Variants in CMC1 observed in about 807,000 individuals in gnomAD.
The protein encoded by CMC1 is C-X9-C motif containing 1.
In CMC1, 14 loss-of-function variants were observed where a neutral mutation model predicts 14.1. The observed-to-expected ratio is 0.99, with a 90% CI of 0.66 to 1.55. The LOEUF (loss-of-function observed/expected upper bound fraction) is 1.55. Among genes scored for constraint, CMC1 ranks in the 40% most tolerant of loss-of-function variants. The pLI, the probability that CMC1 is intolerant of heterozygous loss-of-function variation, is 0.00. For missense variants in CMC1, 127 were observed against 123.8 expected (o/e 1.03, Z -0.12); for synonymous variants, 50 against 38.4 (o/e 1.30, Z -1.12).
intron 2 of CMC1, among the ~76,000 whole-genome samples, chr3:28,301,706 G>A (rs555368373): frequency 1.7e-4 from 26 of 151,816 alleles, no homozygotes; most frequent in South Asian, 8.3e-4. Flanking sequence ...ACAAATGAGC[G>A]TACTATAAAG....
At chr3:28,255,722 T>TACAC (rs372487968) in intron 1 of CMC1, among the ~76,000 whole-genome samples, 8,384 of 144,198 alleles carry the variant, frequency 0.058, 301 homozygotes, top group African/African-American at 0.083. Context: ...TACATGTACA[T>TACAC]ACACACACAC....
chr3:28,269,730 T>C (rs1195243760), intron 2 of CMC1, among the ~76,000 whole-genome samples: 2 of 152,134 alleles, frequency 1.3e-5, no homozygotes, highest in African/African-American at 4.8e-5. Context: ...GACGCCTCGC[T>C]AATGTTTGTA....
At chr3:28,319,283 G>A (rs1298747441) in intron 3 of CMC1, 1 of 563,448 alleles carries the variant, frequency 1.8e-6, no homozygotes, top group Non-Finnish European at 3.4e-6. Flanking sequence ...GACAGGAGCT[G>A]TGCTTCTCAT....
intron 3 of CMC1, chr3:28,318,177 T>C (rs1220875582): frequency 3.3e-5 from 5 of 151,936 alleles, no homozygotes. Flanking sequence ...CTATCCTCTC[T>C]CATTTTGAAA....
intron 2 of CMC1, among the ~76,000 whole-genome samples, chr3:28,300,736 G>GCCTT (rs577609044): frequency 8.3e-5 from 10 of 120,414 alleles, no homozygotes; most frequent in African/African-American, 2.2e-4. Flanking sequence ...CTCTCTCCCT[G>GCCTT]CCTTCCTTCC....
chr3:28,277,751 G>C (rs1028503730), intron 2 of CMC1, among the ~76,000 whole-genome samples: 1 of 152,286 alleles, frequency 6.6e-6, no homozygotes, highest in South Asian at 2.1e-4. Flanking sequence ...CAAAGACCCT[G>C]AGGTGTAAGT....
intron 2 of CMC1, among the ~76,000 whole-genome samples, chr3:28,285,601 A>G (rs1577047596): frequency 6.6e-6 from 1 of 151,756 alleles, no homozygotes; most frequent in Non-Finnish European, 1.5e-5. Context: ...TGATGGTTAC[A>G]CTAAAAGCCC....
At chr3:28,277,698 A>G (rs1370805065) in intron 2 of CMC1, among the ~76,000 whole-genome samples, 1 of 152,212 alleles carries the variant, frequency 6.6e-6, no homozygotes, top group Non-Finnish European at 1.5e-5. Context: ...GATAATTCAG[A>G]TATCTCTGAG....
chr3:28,263,511 T>C (rs1699840745), intron 2 of CMC1, 131 bp downstream of exon 2: 1 of 546,790 alleles, frequency 1.8e-6, no homozygotes, highest in Admixed American at 4.0e-5. Context: ...TTCGCTGAAA[T>C]ACCAGTATTT....
chr3:28,286,036 A>T (rs1701161866), intron 2 of CMC1, among the ~76,000 whole-genome samples: 1 of 152,116 alleles, frequency 6.6e-6, no homozygotes, highest in Non-Finnish European at 1.5e-5. Flanking sequence ...AAGTGCTGGG[A>T]TTACAGGCAT....
intron 2 of CMC1, among the ~76,000 whole-genome samples, chr3:28,305,779 A>ATTTTTTTTTTTTTTTTTTTTTTTTTTT (rs71087685): frequency 2.3e-5 from 1 of 43,534 alleles, no homozygotes; most frequent in African/African-American, 1.1e-4. Context: ...TTTCATAGGA[A>ATTTTTTTTTTTTTTTTTTTTTTTTTTT]TTTTTTTTTT....
In CMC1 at chr3:28,241,729, C is replaced by A. The variant is rs1289686733; in HGVS notation, c.-65C>A. On this transcript the variant is annotated 5_prime_UTR_variant, in exon 1 of 4. Transcript: ENST00000466830. ...CGTGCGTCCGAGCCCAAGCCCCTCCCCTCCACTCCCCTTCCTGCGTGCCCC... is the reference window on the plus strand; with the variant it reads ...CGTGCGTCCGAGCCCAAGCCCCTCCACTCCACTCCCCTTCCTGCGTGCCCC... 3 of 1,241,052 alleles carry A rather than the reference C, an allele frequency of 2.4e-6. No homozygotes were observed. The highest frequency in any genetic ancestry group is 8.2e-5 in the South Asian group (2 of 24,296). The allele number at this position is 1,241,052 out of a possible 1,614,324, so 76.9% of individuals were successfully genotyped here.
At chr3:28,291,351 G>T (rs1701459690) in intron 2 of CMC1, among the ~76,000 whole-genome samples, 1 of 152,042 alleles carries the variant, frequency 6.6e-6, no homozygotes, top group Non-Finnish European at 1.5e-5. Flanking sequence ...GGTTTTCTCT[G>T]TTTGCATTAA....
Position 28,320,937 on chromosome 3 carries a change from C to T in CMC1, c.*1308C>T, listed in dbSNP as rs368107273. 2 of 151,418 alleles carry T rather than the reference C, an allele frequency of 1.3e-5. No homozygotes were observed. The highest frequency in any genetic ancestry group is 4.2e-4 in the South Asian group (2 of 4,812). 9.4% of individuals were successfully genotyped at this position (151,418 alleles called of 1,614,324 possible). On this transcript the variant is annotated 3_prime_UTR_variant, in exon 4 of 4. Transcript: ENST00000466830. ...TTAAAATCACAAATAGAAATTACTA[C>T]CCACTAAGACAAGGTTTAACTTTCC...
chr3:28,268,522 A>G (rs1371374392), intron 2 of CMC1, among the ~76,000 whole-genome samples: 1 of 152,210 alleles, frequency 6.6e-6, no homozygotes, highest in Non-Finnish European at 1.5e-5. Flanking sequence ...CCAAAATTTC[A>G]GATTCCCAGA....
chr3:28,309,601 C>T (rs990837205), intron 2 of CMC1, among the ~76,000 whole-genome samples: 4 of 151,912 alleles, frequency 2.6e-5, no homozygotes, highest in Non-Finnish European at 5.9e-5. Flanking sequence ...TGTTTTTAGC[C>T]CCTTGGACTA....
intron 2 of CMC1, among the ~76,000 whole-genome samples, chr3:28,265,983 G>C (rs890354685): frequency 6.6e-6 from 1 of 152,140 alleles, no homozygotes; most frequent in Non-Finnish European, 1.5e-5. Context: ...ACCATTACCA[G>C]CTGGGACACT....
intron 3 of CMC1, chr3:28,318,629 C>T (rs1345922351): frequency 1.3e-5 from 2 of 152,012 alleles, no homozygotes; most frequent in Non-Finnish European, 2.9e-5. Context: ...GTGAATTATA[C>T]AGTAGTCTAG....
At chr3:28,308,321 A>G (rs1287457845) in intron 2 of CMC1, among the ~76,000 whole-genome samples, 1 of 152,210 alleles carries the variant, frequency 6.6e-6, no homozygotes, top group Non-Finnish European at 1.5e-5. Context: ...ATGAACGGTA[A>G]TACAATACAT....
Sources: gnomAD v4.1 joint callset for allele counts (sites outside exome capture counted in the v4.1 genomes callset) on GRCh38, gnomAD v4.1.1 for gene constraint, MANE v1.5 for transcripts, NCBI Gene and HGNC (gene_info 2026-07-23, HGNC 2026-07-21) for gene names.